The following KMT2B variants were observed in gnomAD, a reference collection of about 807,000 sequenced individuals.
KMT2B encodes lysine methyltransferase 2B, also known as histone-lysine N-methyltransferase 2B.
Under a neutral mutation model 255.3 loss-of-function variants are expected in KMT2B, and 22 were observed. The ratio of observed to expected loss-of-function variants is 0.09; its 90% CI spans 0.06 to 0.12. The LOEUF is 0.12. Ranked by LOEUF, KMT2B falls within the 10% of genes least tolerant of loss-of-function variation. The pLI is 1.00. For synonymous variants in KMT2B, 1,730 were observed against 1,498.1 expected, an observed-to-expected ratio of 1.15 and a Z score of -3.57; for missense variants, 3,149 against 3,737.0, an observed-to-expected ratio of 0.84 and a Z score of 4.10.
Position 35,732,914 on chromosome 19 carries a change from G to A in KMT2B, c.6365G>A (p.Gly2122Glu). ...EIVDFVLKNL[G>E]GPGDGGAGPR... ...GTGGATTTTGTGTTGAAGAACCTAG[G>A]GGGTCCTGGGGATGGAGGTGCTGGC... is the stretch of plus-strand genomic sequence containing the variant. The change falls in exon 28 of 37, where the codon GGG (glycine) becomes GAG (glutamate). Residue 2122 changes from glycine (G) to glutamate (E), a missense_variant. Gly to Glu is a moderately conservative substitution (Grantham distance 98). Around this residue, in one of 18 missense-constraint regions of KMT2B, gnomAD observed 897 missense variants for 825.3 expected, o/e 1.09. Coordinates refer to ENST00000420124, the MANE Select transcript of KMT2B (RefSeq NM_014727.3). 1 of 1,609,416 alleles carries A rather than the reference G, an allele frequency of 6.2e-7. No individual in the cohort carries two copies. Among genetic ancestry groups the A allele is most frequent in the South Asian group, 1.1e-5 (1 of 90,510 alleles).
chr19:35,735,347 C>A (rs1969875435), intron 30 of KMT2B: 1 of 152,260 alleles, frequency 6.6e-6, no homozygotes, highest in African/African-American at 2.4e-5. Flanking sequence ...AGTGGTCAGT[C>A]CCCAGCCCAC....
chr19:35,727,649 G>T lies in KMT2B; in HGVS notation c.4302+27G>T, dbSNP rs377685620. 17 of 1,612,282 alleles carry T rather than the reference G, an allele frequency of 1.1e-5. No homozygotes were observed. Among genetic ancestry groups the T allele is most frequent in the Non-Finnish European group, 8.5e-7 (1 of 1,179,486 alleles). ...TCTGGAGGGCCCTGGAGGCAGGATG[G>T]GCCGGGGCTAGGCCCACCCCCAGCC... On this transcript the variant is annotated intron_variant, in intron 16 of 36. Transcript: ENST00000420124. The surrounding 1 kb of genome is among the most constrained non-coding windows in gnomAD (Gnocchi z 4.2).
rs915424147 is a variant in KMT2B at position 35,718,628 on chromosome 19, ATCCTTTTCGGCAGC to A, written c.363+249_363+262del. 2.0e-4 allele frequency among the ~76,000 whole-genome samples: 31 copies of A among 152,146 alleles called. No individual in the cohort carries two copies. Among genetic ancestry groups the A allele is most frequent in the Non-Finnish European group, 4.6e-4 (31 of 68,028 alleles). On this transcript the variant is annotated intron_variant, in intron 1 of 36. Coordinates refer to ENST00000420124, the MANE Select transcript of KMT2B (RefSeq NM_014727.3). The surrounding 1 kb of genome is among the most constrained non-coding windows in gnomAD (Gnocchi z 5.0). ...GGTCCCGCTGAAGTGTCTTGGGCCG[ATCCTTTTCGGCAGC>A]TGGCAAAGCTAGGGCGGTGGAGGTT...
At chr19:35,719,250 G>T (rs1969084058) in intron 1 of KMT2B, among the ~76,000 whole-genome samples, 1 of 152,156 alleles carries the variant, frequency 6.6e-6, no homozygotes, top group South Asian at 2.1e-4. Context: ...TGCTGGTGTG[G>T]TCCGGCACTG....
chr19:35,731,159 T>C (rs1410138834), intron 26 of KMT2B, among the ~76,000 whole-genome samples: 1 of 152,202 alleles, frequency 6.6e-6, no homozygotes, highest in Non-Finnish European at 1.5e-5. Context: ...GGCACTGTGC[T>C]CATGGAGCGC....
chr19:35,729,141 ACTC>A lies in KMT2B; in HGVS notation c.4780-14_4780-12del, dbSNP rs1309584474. On this transcript the variant is annotated splice_polypyrimidine_tract_variant and intron_variant, in intron 21 of 36. Transcript: ENST00000420124. ...TTCCCTGGCCTCCCCACATCATGCC[ACTC>A]CTCTTCTGCCCCAGGAGGCGGGGCG... 1 of 1,613,476 alleles carries A rather than the reference ACTC, an allele frequency of 6.2e-7. No individual in the cohort carries two copies. The highest frequency in any genetic ancestry group is 2.2e-5 in the East Asian group (1 of 44,852).
rs772658632 is a variant in KMT2B at position 35,732,169 on chromosome 19, G to A, written c.5665+34G>A. The stretch of plus-strand genomic sequence containing the variant: ...CGGGCATGTGGGGGTTGGGGGTGGA[G>A]CCGCGGAGGTGGGAGCTGCTGGTAA... On this transcript the variant is annotated intron_variant, in intron 27 of 36. Coordinates refer to ENST00000420124, the MANE Select transcript of KMT2B (RefSeq NM_014727.3). The A allele has an allele frequency of 2.6e-6, 4 of 1,568,132 alleles. No homozygotes were observed. The Admixed American group carries it at 7.3e-5, about 29-fold the overall frequency.
chr19:35,729,037 G>T lies in KMT2B; in HGVS notation c.4740G>T (p.Gln1580His), dbSNP rs1165567824. ...TCTCACACCTGGAGGACCCCCGTCAGTGTGCACTCTGCCTCAAATACGGGG... is the reference window on the plus strand; with the variant it reads ...TCTCACACCTGGAGGACCCCCGTCATTGTGCACTCTGCCTCAAATACGGGG... ...AAFSHLEDPR[Q>H]CALCLKYGDA... The change falls in exon 21 of 37, where the codon CAG becomes CAT. Residue 1580 changes from glutamine to histidine, a missense_variant. Coordinates refer to ENST00000420124, the MANE Select transcript of KMT2B (RefSeq NM_014727.3). The T allele has an allele frequency of 2.5e-6, 4 of 1,614,024 alleles. No individual in the cohort carries two copies. Among genetic ancestry groups the T allele is most frequent in the Non-Finnish European group, 3.4e-6 (4 of 1,179,898 alleles).
In KMT2B at chr19:35,727,770, G is replaced by T; in HGVS notation, c.4375G>T (p.Gly1459Cys). The T allele has an allele frequency of 1.2e-6, 2 of 1,613,888 alleles. No homozygotes were observed. The highest frequency in any genetic ancestry group is 1.7e-6 in the Non-Finnish European group (2 of 1,179,892). ...AGCTGTGAGTCAGCGCTTCGAGGATGGCCACTACAAGTCTGTGGTGAGTGG... is the reference window on the plus strand; with the variant it reads ...AGCTGTGAGTCAGCGCTTCGAGGATTGCCACTACAAGTCTGTGGTGAGTGG... ...LQAVSQRFEDGHYKSVHSFME... is the reference protein window; with the variant it reads ...LQAVSQRFEDCHYKSVHSFME... The change falls in exon 17 of 37, where the codon GGC becomes TGC. Residue 1459 changes from glycine to cysteine, a missense_variant. Physicochemically the swap from Gly to Cys is radical, Grantham distance 159. Transcript: ENST00000420124. The surrounding 1 kb of genome is among the most constrained non-coding windows in gnomAD (Gnocchi z 4.2).
In KMT2B at chr19:35,723,321, A is replaced by C; in HGVS notation, c.3002+47A>C. On this transcript the variant is annotated intron_variant, in intron 6 of 36. Coordinates refer to ENST00000420124, the MANE Select transcript of KMT2B (RefSeq NM_014727.3). The surrounding 1 kb of genome is among the most constrained non-coding windows in gnomAD (Gnocchi z 7.5). ...TCATTCCCGTGGTTGTTGGTCCCCT[A>C]GGCTTCCTACCTCACTCCTCTTCTG... The C allele has an allele frequency of 6.3e-7, 1 of 1,590,322 alleles. No individual in the cohort carries two copies. Among genetic ancestry groups the C allele is most frequent in the Non-Finnish European group, 8.6e-7 (1 of 1,165,196 alleles).
Position 35,738,635 on chromosome 19 carries a change from T to C in KMT2B, c.*78T>C. 2.0e-6 allele frequency: 3 copies of C among 1,464,294 alleles called. No homozygotes were observed. The highest frequency in any genetic ancestry group is 2.8e-6 in the Non-Finnish European group (3 of 1,082,738). The allele number at this position is 1,464,294 out of a possible 1,614,324, so 90.7% of individuals were successfully genotyped here. A position where few individuals can be genotyped will look rare whatever the true frequency, so the allele number is the denominator to read the frequency against. On this transcript the variant is annotated 3_prime_UTR_variant, in exon 37 of 37. Transcript: ENST00000420124. This position sits in a 1 kb window ranked among gnomAD's most constrained non-coding sequence, Gnocchi z 8.7. ...TCTTGCCCCTAGCCTGGGGGCTCCC[T>C]AGCCCCTCCCAGAGCATCTCACCCC... is the stretch of plus-strand genomic sequence containing the variant.
chr19:35,728,121 G>C lies in KMT2B; in HGVS notation c.4521G>C (p.Trp1507Cys). Residue 1507 changes from tryptophan (W) to cysteine (C), a missense_variant, in exon 19 of 37, where the codon TGG (tryptophan) becomes TGC (cysteine). Physicochemically the swap from Trp to Cys is radical, Grantham distance 215 (BLOSUM62 -2). Coordinates refer to ENST00000420124, the MANE Select transcript of KMT2B (RefSeq NM_014727.3). The part of the protein sequence containing the change: ...LLKLLESAFG[W>C]FDAHDPKYWR... ...AGCTGCTAGAATCTGCGTTCGGCTG[G>C]TTCGACGCCCACGACCCCAAGTACT... 6.3e-7 allele frequency: 1 copy of C among 1,599,874 alleles called. No individual in the cohort carries two copies. The highest frequency in any genetic ancestry group is 8.5e-7 in the Non-Finnish European group (1 of 1,173,728).
chr19:35,730,184 G>T, intron 23 of KMT2B, 59 bp downstream of exon 23: 1 of 1,607,930 alleles, frequency 6.2e-7, no homozygotes, highest in African/African-American at 1.3e-5. Flanking sequence ...GTTCACTTAG[G>T]GACCCCCGTG....
At chr19:35,724,825 TGA>T in intron 9 of KMT2B, 94 bp downstream of exon 9, 2 of 1,232,194 alleles carry the variant, frequency 1.6e-6, no homozygotes, top group Non-Finnish European at 2.3e-6. Flanking sequence ...TGTGTCCACA[TGA>T]GAGGACAGGC....
At chr19:35,726,099 G>A (rs1282971070) in intron 13 of KMT2B, 137 bp from the exon 14 acceptor site, 3 of 699,660 alleles carry the variant, frequency 4.3e-6, no homozygotes, top group Non-Finnish European at 7.8e-6. Context: ...CTCCGTGTCT[G>A]TCCTGCGTGT....
In KMT2B at chr19:35,731,914, C is replaced by T. The variant is rs995081186; in HGVS notation, c.5444C>T (p.Pro1815Leu). 6.2e-7 allele frequency: 1 copy of T among 1,612,892 alleles called. No individual in the cohort carries two copies. Among genetic ancestry groups the T allele is most frequent in the African/African-American group, 1.3e-5 (1 of 74,884 alleles). ...CCATTTCTCGCCTCTTCAGAGCCCCCAGGTGGTGAGGACCCCCCACTGGAC... is the reference window on the plus strand; with the variant it reads ...CCATTTCTCGCCTCTTCAGAGCCCCTAGGTGGTGAGGACCCCCCACTGGAC... ...VHSPAPSSEP[P>L]GGEDPPLDTD... The change falls in exon 27 of 37, where the codon CCA becomes CTA. Residue 1815 changes from proline (P) to leucine (L), a missense_variant. By Grantham distance (98) the Pro-to-Leu change is moderately conservative. Transcript: ENST00000420124.
chr19:35,730,951 A>C, intron 26 of KMT2B, 84 bp downstream of exon 26: 1 of 1,422,798 alleles, frequency 7.0e-7, no homozygotes, highest in Non-Finnish European at 9.3e-7. Context: ...CCCTTTTGGA[A>C]AGTCCAGGAG....
Position 35,718,453 on chromosome 19 carries a change from C to T in KMT2B, c.363+72C>T, listed in dbSNP as rs1969045056. ...GGGCTTCCAGGGGTCTGGGTTGTCCCGGGGGCGGCGTGGGCAGGCCGGGTC... is the reference window on the plus strand; with the variant it reads ...GGGCTTCCAGGGGTCTGGGTTGTCCTGGGGGCGGCGTGGGCAGGCCGGGTC... On this transcript the variant is annotated intron_variant, in intron 1 of 36. Transcript: ENST00000420124. The surrounding 1 kb of genome is among the most constrained non-coding windows in gnomAD (Gnocchi z 5.0). The T allele has an allele frequency of 1.7e-6, 2 of 1,204,568 alleles. No individual in the cohort carries two copies. The highest frequency in any genetic ancestry group is 2.1e-6 in the Non-Finnish European group (2 of 962,398). 74.6% of individuals were successfully genotyped at this position (1,204,568 alleles called of 1,614,324 possible).
At chr19:35,719,573 G>C in intron 2 of KMT2B, 32 bp downstream of exon 2, 1 of 1,568,256 alleles carries the variant, frequency 6.4e-7, no homozygotes, top group Non-Finnish European at 8.7e-7. Context: ...CCTCTTTAGC[G>C]TCACAGGAAT....
Sources: gnomAD v4.1 joint callset for allele counts (sites outside exome capture counted in the v4.1 genomes callset) on GRCh38, gnomAD v4.1.1 for gene constraint, gnomAD v4.1.1 regional missense constraint, Gnocchi (gnomAD v3.1) non-coding constraint, MANE v1.5 for transcripts, NCBI Gene and HGNC (gene_info 2026-07-23, HGNC 2026-07-21) for gene names.